Variants in FAT4 observed in about 807,000 individuals in gnomAD.
The protein encoded by FAT4 is protocadherin Fat 4.
Under a neutral mutation model 303.9 loss-of-function variants are expected in FAT4, and 84 were observed. The observed-to-expected ratio is 0.28, with a 90% confidence interval of 0.23 to 0.33. The LOEUF is 0.33. Ranked by LOEUF, FAT4 falls within the 10% of genes least tolerant of loss-of-function variation. The pLI is 1.00. For synonymous variants in FAT4, 2,307 were observed against 2,298.8 expected, an observed-to-expected ratio of 1.00 and a Z score of -0.10; for missense variants, 6,005 against 6,146.8, an observed-to-expected ratio of 0.98 and a Z score of 0.77.
intron 8 of FAT4, among the ~76,000 whole-genome samples, chr4:125,440,608 T>TGAGAGAGA (rs766978076): frequency 0.091 from 5,135 of 56,240 alleles, 127 homozygotes; most frequent in Admixed American, 0.13. Flanking sequence ...TGTGTGTGTG[T>TGAGAGAGA]GTGAGAGAGA....
At chr4:125,394,317 G>A (rs1229633267) in intron 2 of FAT4, among the ~76,000 whole-genome samples, 1 of 152,118 alleles carries the variant, frequency 6.6e-6, no homozygotes, top group Non-Finnish European at 1.5e-5. Flanking sequence ...TGTGATTTGT[G>A]TTTTTGCAAA....
rs896305306 is a variant in FAT4, at chr4:125,491,226, A to G, written c.14410A>G (p.Asn4804Asp). Residue 4804 changes from asparagine (N) to aspartate (D), a missense_variant, in exon 18 of 18, where the codon AAC becomes GAC. Coordinates refer to ENST00000394329, the MANE Select transcript of FAT4 (RefSeq NM_001291303.3). The stretch of plus-strand genomic sequence containing the variant: ...GAGGCTCAACACACCTCGCCCTAGA[A>G]ACCCAAGTATCTGCAGTGCAGACCA... ...VERLNTPRPRNPSICSADHGR... is the reference protein window; with the variant it reads ...VERLNTPRPRDPSICSADHGR... 20 of 1,613,988 alleles carry G rather than the reference A, an allele frequency of 1.2e-5. No individual in the cohort carries two copies. Among genetic ancestry groups the G allele is most frequent in the Non-Finnish European group, 1.5e-5 (18 of 1,180,016 alleles).
intron 2 of FAT4, among the ~76,000 whole-genome samples, chr4:125,323,010 A>T (rs2125948093): frequency 6.6e-6 from 1 of 152,188 alleles, no homozygotes; most frequent in East Asian, 1.9e-4. Flanking sequence ...TTGAATTTTG[A>T]TTTGAAGTTA....
rs1726071321 is a variant in FAT4, at chr4:125,451,496, G to A, written c.10486G>A (p.Ala3496Thr). ...AGGGACCCCCTCAGCTACAGGTAGT[G>A]CCTCTTTATTAGTCACCCTGGAAGA... The part of the protein sequence containing the change: ...DSGTPSATGS[A>T]SLLVTLEDIN... Residue 3496 changes from alanine (A) to threonine (T), a missense_variant, in exon 10 of 18, where the codon GCC becomes ACC. By Grantham distance (58) the Ala-to-Thr change is moderately conservative (BLOSUM62 0). Transcript: ENST00000394329. 2.5e-6 allele frequency: 4 copies of A among 1,614,110 alleles called. No individual in the cohort carries two copies. The highest frequency in any genetic ancestry group is 3.4e-6 in the Non-Finnish European group (4 of 1,180,014).
chr4:125,387,646 A>T, intron 2 of FAT4, among the ~76,000 whole-genome samples: 1 of 152,154 alleles, frequency 6.6e-6, no homozygotes, highest in East Asian at 1.9e-4. Flanking sequence ...GTTGCCCCTG[A>T]CAGATAGCAG....
Position 125,318,640 on chromosome 4 carries a change from G to A in FAT4, c.2229G>A (p.Gly743=), listed in dbSNP as rs758147582. Reference sequence around the variant, plus strand: ...GGTTTCAGGTCAATGCTCAGAGTGGGGTTATTTCTACAAGAATGGCCCTAG... The same window carrying A: ...GGTTTCAGGTCAATGCTCAGAGTGGAGTTATTTCTACAAGAATGGCCCTAG... ...RSRFQVNAQS[G]VISTRMALDR... Residue 743 remains glycine, a synonymous_variant, in exon 2 of 18, where the codon GGG becomes GGA. Transcript: ENST00000394329. 2 of 1,614,038 alleles carry A rather than the reference G, an allele frequency of 1.2e-6. No individual in the cohort carries two copies.
At chr4:125,463,888 T>A (rs1479318304) in intron 11 of FAT4, among the ~76,000 whole-genome samples, 1 of 152,112 alleles carries the variant, frequency 6.6e-6, no homozygotes, top group East Asian at 1.9e-4. Context: ...CTCAAGATAA[T>A]TGAATTAATA....
At chr4:125,413,258 T>G (rs888760865) in intron 5 of FAT4, among the ~76,000 whole-genome samples, 1 of 151,886 alleles carries the variant, frequency 6.6e-6, no homozygotes, top group Non-Finnish European at 1.5e-5. Flanking sequence ...CTTGTTCTAG[T>G]CAGATTCTAC....
At chr4:125,382,232 C>A (rs554672489) in intron 2 of FAT4, among the ~76,000 whole-genome samples, 1 of 152,136 alleles carries the variant, frequency 6.6e-6, no homozygotes, top group Non-Finnish European at 1.5e-5. Context: ...TTTTCAATTA[C>A]TTTGCCCAGA....
At chr4:125,408,880 C>T (rs1578609861) in intron 5 of FAT4, 86 bp downstream of exon 5, 1 of 677,180 alleles carries the variant, frequency 1.5e-6, no homozygotes. Flanking sequence ...GTTGAGCTGT[C>T]ACAAAAATGC....
intron 2 of FAT4, among the ~76,000 whole-genome samples, chr4:125,322,648 T>C (rs1730999714): frequency 6.6e-6 from 1 of 152,076 alleles, no homozygotes; most frequent in African/African-American, 2.4e-5. Flanking sequence ...AAATTGAGGC[T>C]CATGTGCTTG....
At chr4:125,330,848 C>T (rs1226587640) in intron 2 of FAT4, among the ~76,000 whole-genome samples, 2 of 152,140 alleles carry the variant, frequency 1.3e-5, no homozygotes, top group South Asian at 2.1e-4. Flanking sequence ...CAAATTCTTA[C>T]AATGACCCTG....
intron 2 of FAT4, among the ~76,000 whole-genome samples, chr4:125,375,386 A>T (rs1216290121): frequency 6.6e-6 from 1 of 152,228 alleles, no homozygotes; most frequent in East Asian, 1.9e-4. Context: ...GCAAAAAGTC[A>T]TGAAGCTTTT....
At chr4:125,446,171 T>C (rs1725819691) in intron 8 of FAT4, 122 bp from the exon 9 acceptor site, 3 of 799,958 alleles carry the variant, frequency 3.8e-6, no homozygotes, top group Non-Finnish European at 5.8e-6. Flanking sequence ...CTTTCCAACA[T>C]TGTTGTATGA....
intron 2 of FAT4, chr4:125,362,701 A>G (rs1439576943): frequency 1.3e-5 from 2 of 152,194 alleles, no homozygotes; most frequent in Non-Finnish European, 2.9e-5. Context: ...TTCTTCTTTG[A>G]ATAGAGAACT....
Position 125,491,184 on chromosome 4 carries a change from T to C in FAT4, c.14368T>C (p.Ser4790Pro), listed in dbSNP as rs1490011143. 1 of 1,614,102 alleles carries C rather than the reference T, an allele frequency of 6.2e-7. No individual in the cohort carries two copies. The highest frequency in any genetic ancestry group is 8.5e-7 in the Non-Finnish European group (1 of 1,180,020). The change falls in exon 18 of 18, where the codon TCT becomes CCT. Residue 4790 changes from serine (S) to proline (P), a missense_variant. Physicochemically the swap from Ser to Pro is moderately conservative, Grantham distance 74. Coordinates refer to ENST00000394329, the MANE Select transcript of FAT4 (RefSeq NM_001291303.3). ...GGAATCTTCTCCTCCAGTCGGACTTTCTATTGAAGAAGTGGAGAGGCTCAA... is the reference window on the plus strand; with the variant it reads ...GGAATCTTCTCCTCCAGTCGGACTTCCTATTGAAGAAGTGGAGAGGCTCAA... ...PLESSPPVGLSIEEVERLNTP... is the reference protein window; with the variant it reads ...PLESSPPVGLPIEEVERLNTP...
intron 13 of FAT4, 41 bp downstream of exon 13, chr4:125,476,297 A>AT (rs1560631035): frequency 6.0e-6 from 7 of 1,163,508 alleles, no homozygotes; most frequent in Non-Finnish European, 8.5e-6. Flanking sequence ...ATTACTTAAA[A>AT]TTTTTTAAAA....
At position 125,320,104 on chromosome 4, in the gene FAT4, A is replaced by C. The variant is rs1193982802; in HGVS notation, c.3693A>C (p.Arg1231Ser). ...ESAANLTQVL[R>S]VSASDVDEGN... Reference sequence around the variant, plus strand: ...CAGCCAATCTGACACAAGTGTTAAGAGTATCTGCCTCAGATGTTGATGAAG... The same window carrying C: ...CAGCCAATCTGACACAAGTGTTAAGCGTATCTGCCTCAGATGTTGATGAAG... The change falls in exon 2 of 18, where the codon AGA becomes AGC. Residue 1231 changes from arginine to serine, a missense_variant. Transcript: ENST00000394329. 1 of 1,614,066 alleles carries C rather than the reference A, an allele frequency of 6.2e-7. No homozygotes were observed. The highest frequency in any genetic ancestry group is 1.7e-5 in the Admixed American group (1 of 60,028).
intron 2 of FAT4, among the ~76,000 whole-genome samples, chr4:125,379,060 T>C (rs1226596939): frequency 6.6e-6 from 1 of 152,172 alleles, no homozygotes; most frequent in African/African-American, 2.4e-5. Context: ...AATTGAAGTA[T>C]AGTAAATGGT....
Sources: allele counts gnomAD v4.1 joint callset (sites outside exome capture counted in the v4.1 genomes callset), GRCh38; gene constraint gnomAD v4.1.1; transcripts MANE v1.5; gene names NCBI Gene and HGNC (gene_info 2026-07-23, HGNC 2026-07-21).